The following LUZP2 variants were observed in gnomAD, a reference collection of about 807,000 sequenced individuals.
The protein encoded by LUZP2 is leucine zipper protein 2.
Under a neutral mutation model 51.6 loss-of-function variants are expected in LUZP2, and 52 were observed. The observed-to-expected ratio is 1.01, with a 90% CI of 0.81 to 1.27. LUZP2 has a LOEUF of 1.27. Among genes scored for constraint, LUZP2 ranks in the 50% most tolerant of loss-of-function variants. The pLI is 0.00. For synonymous variants in LUZP2, 154 were observed against 137.3 expected (o/e 1.12, Z -0.85); for missense variants, 436 against 395.4 (o/e 1.10, Z -0.87).
intron 5 of LUZP2, among the ~76,000 whole-genome samples, chr11:24,886,161 AATTT>A (rs945057449): frequency 6.6e-6 from 1 of 152,200 alleles, no homozygotes; most frequent in African/African-American, 2.4e-5. Context: ...TTAAAAACAT[AATTT>A]ATTTAAACAA....
At chr11:24,681,005 C>T (rs371758127) in intron 1 of LUZP2, among the ~76,000 whole-genome samples, 6 of 148,794 alleles carry the variant, frequency 4.0e-5, no homozygotes, top group Non-Finnish European at 5.9e-5. Flanking sequence ...GACGGAGTCT[C>T]GCTCTGTCGC....
intron 5 of LUZP2, among the ~76,000 whole-genome samples, chr11:24,863,799 AGCCTGATATT>A (rs1245553480): frequency 1.3e-5 from 2 of 152,174 alleles, no homozygotes; most frequent in African/African-American, 2.4e-5. Flanking sequence ...CAACCTCAGC[AGCCTGATATT>A]GCTAGTCCTT....
chr11:24,826,190 A>AAAATATATATACAT (rs1215786412), intron 5 of LUZP2, among the ~76,000 whole-genome samples: 1 of 67,536 alleles, frequency 1.5e-5, no homozygotes, highest in Admixed American at 2.4e-4. Context: ...AAAAAAAAAA[A>AAAATATATATACAT]ATATATATAT....
intron 5 of LUZP2, among the ~76,000 whole-genome samples, chr11:24,813,804 T>G (rs1329684821): frequency 1.3e-5 from 2 of 152,258 alleles, no homozygotes; most frequent in African/African-American, 2.4e-5. Context: ...TTCTCTGAGA[T>G]GCCCCTCCCT....
chr11:24,557,551 G>C (rs184027855), intron 1 of LUZP2, among the ~76,000 whole-genome samples: 1 of 152,216 alleles, frequency 6.6e-6, no homozygotes, highest in Admixed American at 6.5e-5. Flanking sequence ...GCAAGGGAAA[G>C]AGTCATTTTG....
intron 5 of LUZP2, among the ~76,000 whole-genome samples, chr11:24,793,307 T>C (rs1427814430): frequency 1.3e-5 from 2 of 152,168 alleles, no homozygotes; most frequent in Non-Finnish European, 2.9e-5. Flanking sequence ...TGATGTACAA[T>C]TTTTTGTTGT....
At chr11:24,835,502 T>G (rs1850836986) in intron 5 of LUZP2, among the ~76,000 whole-genome samples, 1 of 152,082 alleles carries the variant, frequency 6.6e-6, no homozygotes. Flanking sequence ...CAAAATAAAC[T>G]AGCATCAGAA....
intron 6 of LUZP2, among the ~76,000 whole-genome samples, 171 bp from the exon 7 acceptor site, chr11:24,914,305 A>G (rs574861254): frequency 5.2e-4 from 79 of 152,308 alleles, no homozygotes; most frequent in African/African-American, 1.7e-3. Flanking sequence ...TAGGTTGTCC[A>G]GAGGTCTGAC....
chr11:24,659,927 A>C (rs977163171), intron 1 of LUZP2, among the ~76,000 whole-genome samples: 7 of 152,140 alleles, frequency 4.6e-5, no homozygotes, highest in African/African-American at 1.7e-4. Context: ...AGATTAGATT[A>C]GATGGCAAAG....
At chr11:24,561,326 G>A (rs1282254214) in intron 1 of LUZP2, among the ~76,000 whole-genome samples, 2 of 152,010 alleles carry the variant, frequency 1.3e-5, no homozygotes, top group Non-Finnish European at 1.5e-5. Flanking sequence ...TTACTTCGTT[G>A]TCCATAGTGT....
chr11:24,859,776 C>T (rs72872488), intron 5 of LUZP2, among the ~76,000 whole-genome samples: 3,240 of 152,278 alleles, frequency 0.021, 56 homozygotes, highest in Middle Eastern at 0.051. Context: ...CCAAAGGAGG[C>T]GATGAGTGAG....
chr11:24,785,694 G>A (rs1849225639), intron 5 of LUZP2: 1 of 193,972 alleles, frequency 5.2e-6, no homozygotes, highest in Non-Finnish European at 9.4e-6. Flanking sequence ...ACTCAGTTAA[G>A]ATAAATCGTT....
chr11:24,873,313 T>G (rs898675259), intron 5 of LUZP2, among the ~76,000 whole-genome samples: 2 of 152,184 alleles, frequency 1.3e-5, no homozygotes, highest in African/African-American at 2.4e-5. Flanking sequence ...TTTTTCAAAT[T>G]TTTGAAATAA....
intron 1 of LUZP2, among the ~76,000 whole-genome samples, chr11:24,688,604 T>G (rs1232355860): frequency 6.6e-6 from 1 of 152,088 alleles, no homozygotes; most frequent in African/African-American, 2.4e-5. Context: ...TTTTGATGGA[T>G]CTCTTAAAAT....
At chr11:24,751,596 A>G in intron 4 of LUZP2, 1 of 982,498 alleles carries the variant, frequency 1.0e-6, no homozygotes, top group Non-Finnish European at 1.2e-6. Context: ...ATCCCCTAAG[A>G]GCATTCTATG....
In LUZP2 at chr11:24,617,519, T is replaced by A. The variant is rs533374806; in HGVS notation, c.63-111650T>A. ...GATTCTTAGTACGATAGTGATTTGGTATTAAAACTTGGATAGTTGGGCCGG... is the reference window on the plus strand; with the variant it reads ...GATTCTTAGTACGATAGTGATTTGGAATTAAAACTTGGATAGTTGGGCCGG... On this transcript the variant is annotated intron_variant, in intron 1 of 11. Transcript: ENST00000336930. Among the ~76,000 whole-genome samples the A allele has an allele frequency of 2.5e-4, 38 of 152,276 alleles. No homozygotes were observed. The East Asian group carries it at 6.6e-3, about 26-fold the overall frequency.
intron 1 of LUZP2, among the ~76,000 whole-genome samples, chr11:24,639,736 C>T (rs1855219999): frequency 6.6e-6 from 1 of 151,868 alleles, no homozygotes; most frequent in Non-Finnish European, 1.5e-5. Flanking sequence ...CAGGCGTGAG[C>T]CACTGTGCCC....
intron 1 of LUZP2, among the ~76,000 whole-genome samples, chr11:24,715,292 T>C (rs1857996387): frequency 7.3e-6 from 1 of 137,818 alleles, no homozygotes; most frequent in South Asian, 2.3e-4. Flanking sequence ...TGTGTGTGTG[T>C]GTGTGTGTGT....
At chr11:24,826,068 CG>C (rs1175036858) in intron 5 of LUZP2, among the ~76,000 whole-genome samples, 4 of 149,164 alleles carry the variant, frequency 2.7e-5, no homozygotes, top group African/African-American at 9.9e-5. Flanking sequence ...AGCTACTACT[CG>C]GGAGGCTGAG....
Sources: allele counts gnomAD v4.1 joint callset (sites outside exome capture counted in the v4.1 genomes callset), GRCh38; gene constraint gnomAD v4.1.1; transcripts MANE v1.5; gene names NCBI Gene and HGNC (gene_info 2026-07-23, HGNC 2026-07-21).